XRN1: variants seen among roughly 807,000 people sequenced by gnomAD.
XRN1 encodes 5'-3' exoribonuclease 1.
Under a neutral mutation model 222.3 loss-of-function variants are expected in XRN1, and 67 were observed. The observed-to-expected ratio is 0.30, with a 90% CI of 0.25 to 0.37. XRN1 has a LOEUF of 0.37. Among genes scored for constraint, XRN1 ranks in the 10% least tolerant of loss-of-function variants. The pLI is 1.00. For synonymous variants in XRN1, 643 were observed against 652.4 expected (o/e 0.99, Z 0.22); for missense variants, 1,707 against 2,000.2 (o/e 0.85, Z 2.80).
At chr3:142,417,325 G>A in intron 12 of XRN1, 96 bp from the exon 13 acceptor site, 1 of 930,920 alleles carries the variant, frequency 1.1e-6, no homozygotes, top group South Asian at 2.0e-5. Context: ...TACCTCAGAT[G>A]ATTTATTTAA....
At chr3:142,355,200 A>G (rs907481395) in intron 32 of XRN1, 18 of 298,912 alleles carry the variant, frequency 6.0e-5, no homozygotes, top group Admixed American at 9.8e-5. Context: ...TATTCATGTA[A>G]CAAACCTGTA....
rs181010664 is a variant in XRN1, at chr3:142,439,777, C to T, written c.76-6884G>A. ...AAAAAAAAAAGGCCACCGCTTTAGT[C>T]ATGGCCCTTAGGCAAGTGGACTTTG... On this transcript the variant is annotated intron_variant, in intron 1 of 40. Transcript: ENST00000392981. Among the ~76,000 whole-genome samples, 485 of 151,800 alleles carry T rather than the reference C, an allele frequency of 3.2e-3. 2 individuals carry two copies. The highest frequency in any genetic ancestry group is 9.6e-3 in the African/African-American group (399 of 41,398).
At chr3:142,404,200 A>C (rs756063101) in intron 16 of XRN1, among the ~76,000 whole-genome samples, 4 of 152,144 alleles carry the variant, frequency 2.6e-5, no homozygotes, top group African/African-American at 9.7e-5. Context: ...TACTAAGTTG[A>C]GATTTTCCCC....
At chr3:142,412,148 T>C (rs963088371) in intron 15 of XRN1, among the ~76,000 whole-genome samples, 1 of 152,202 alleles carries the variant, frequency 6.6e-6, no homozygotes, top group Non-Finnish European at 1.5e-5. Context: ...TTTGTCCTCT[T>C]GTGTTATTAA....
At chr3:142,427,808 T>C (rs553578583) in intron 2 of XRN1, among the ~76,000 whole-genome samples, 3 of 152,222 alleles carry the variant, frequency 2.0e-5, no homozygotes, top group African/African-American at 7.2e-5. Context: ...CGTACCAGCA[T>C]GCCACATGGC....
chr3:142,431,911 T>A (rs1239665271), intron 2 of XRN1, among the ~76,000 whole-genome samples: 1 of 27,160 alleles, frequency 3.7e-5, no homozygotes, highest in South Asian at 5.4e-4. Flanking sequence ...ATTATATATA[T>A]AAATATATAT....
intron 26 of XRN1, 108 bp from the exon 27 acceptor site, chr3:142,370,728 C>T (rs764437253): frequency 2.6e-5 from 23 of 901,764 alleles, no homozygotes; most frequent in East Asian, 1.2e-4. Flanking sequence ...TGAACTTAAT[C>T]GGGACTAATT....
chr3:142,379,075 A>G (rs2067224947), intron 23 of XRN1, among the ~76,000 whole-genome samples: 1 of 151,920 alleles, frequency 6.6e-6, no homozygotes, highest in African/African-American at 2.4e-5. Context: ...TTTGAGACCA[A>G]CATGGTGAAA....
intron 33 of XRN1, among the ~76,000 whole-genome samples, chr3:142,346,074 T>C (rs549299379): frequency 6.6e-6 from 1 of 152,186 alleles, no homozygotes; most frequent in South Asian, 2.1e-4. Context: ...ACACAAAAAC[T>C]TTTCCACAGA....
chr3:142,414,130 C>T lies in XRN1; in HGVS notation c.1593+5G>A. On this transcript the variant is annotated splice_donor_5th_base_variant and intron_variant, in intron 14 of 40. Coordinates refer to ENST00000392981, the MANE Select transcript of XRN1 (RefSeq NM_001282857.2). ...GACATAAAAACATTCAATTCTAAGA[C>T]CCACCTGGTAGCATGCAGGAAGTAA... 1 of 1,606,892 alleles carries T rather than the reference C, an allele frequency of 6.2e-7. No homozygotes were observed. The highest frequency in any genetic ancestry group is 8.5e-7 in the Non-Finnish European group (1 of 1,176,826).
chr3:142,318,462 C>T (rs1270418260), intron 39 of XRN1, 130 bp downstream of exon 39: 2 of 821,678 alleles, frequency 2.4e-6, no homozygotes, highest in Non-Finnish European at 3.9e-6. Flanking sequence ...AATCTGCAGG[C>T]TGTGGCTTTA....
At chr3:142,321,413 G>A (rs970893220) in intron 37 of XRN1, among the ~76,000 whole-genome samples, 1 of 152,216 alleles carries the variant, frequency 6.6e-6, no homozygotes, top group South Asian at 2.1e-4. Context: ...GAGCCATTGC[G>A]CCCGGCTATC....
At chr3:142,376,935 G>A (rs939446044) in intron 23 of XRN1, among the ~76,000 whole-genome samples, 3 of 151,856 alleles carry the variant, frequency 2.0e-5, no homozygotes, top group Non-Finnish European at 2.9e-5. Context: ...TTTTGTTTTC[G>A]TTTCTACTAA....
intron 40 of XRN1, 47 bp from the exon 41 acceptor site, chr3:142,311,860 T>C (rs770518804): frequency 1.3e-6 from 2 of 1,511,570 alleles, no homozygotes; most frequent in Non-Finnish European, 1.8e-6. Flanking sequence ...GGCAAAAAAT[T>C]AGCTAGTGTT....
chr3:142,366,467 T>C (rs1316630214), intron 27 of XRN1, among the ~76,000 whole-genome samples: 1 of 152,232 alleles, frequency 6.6e-6, no homozygotes, highest in Admixed American at 6.5e-5. Flanking sequence ...GATCCATTTG[T>C]ATGCTGTATA....
At chr3:142,423,024 A>C (rs957044356) in intron 6 of XRN1, 102 bp from the exon 7 acceptor site, 8 of 906,202 alleles carry the variant, frequency 8.8e-6, no homozygotes, top group Non-Finnish European at 1.4e-5. Context: ...AGAAGATAGT[A>C]AGGTCTTGTA....
At chr3:142,440,245 C>T (rs1179276127) in intron 1 of XRN1, among the ~76,000 whole-genome samples, 1 of 152,170 alleles carries the variant, frequency 6.6e-6, no homozygotes, top group African/African-American at 2.4e-5. Context: ...AGATACTTCT[C>T]CCAGCCACTA....
At position 142,425,545 on chromosome 3, in the gene XRN1, A is replaced by C; in HGVS notation, c.407-7T>G. ...CTGGCCATAAATTCAGTTCCTAAAAATAATGTTTTAAAAAGGTTAATCTAA... is the reference window on the plus strand; with the variant it reads ...CTGGCCATAAATTCAGTTCCTAAAACTAATGTTTTAAAAAGGTTAATCTAA... On this transcript the variant is annotated splice_polypyrimidine_tract_variant and splice_region_variant and intron_variant, in intron 3 of 40. Transcript: ENST00000392981. The C allele has an allele frequency of 6.3e-7, 1 of 1,599,848 alleles. No individual in the cohort carries two copies.
intron 34 of XRN1, among the ~76,000 whole-genome samples, chr3:142,333,971 T>C (rs1007641282): frequency 3.9e-5 from 6 of 152,236 alleles, no homozygotes; most frequent in African/African-American, 1.2e-4. Flanking sequence ...TAAATGTTTA[T>C]TGTTCAAATG....
Sources: allele counts gnomAD v4.1 joint callset (sites outside exome capture counted in the v4.1 genomes callset), GRCh38; gene constraint gnomAD v4.1.1; transcripts MANE v1.5; gene names NCBI Gene and HGNC (gene_info 2026-07-23, HGNC 2026-07-21).